Variants in PRR5L observed in about 807,000 individuals in gnomAD.
The protein encoded by PRR5L is proline rich 5 like.
In PRR5L, 21 loss-of-function variants were observed where a neutral mutation model predicts 36.4. The ratio of observed to expected loss-of-function variants is 0.58; its 90% CI spans 0.41 to 0.83. The LOEUF is 0.83. PRR5L is among the 40% of genes least tolerant of loss of function. PRR5L has a pLI of 0.00. For missense variants in PRR5L, 381 were observed against 473.3 expected (o/e 0.80, Z 1.81); for synonymous variants, 188 against 197.0 (o/e 0.95, Z 0.38).
intron 1 of PRR5L, among the ~76,000 whole-genome samples, chr11:36,389,164 A>G (rs1857515780): frequency 7.7e-6 from 1 of 130,698 alleles, no homozygotes; most frequent in South Asian, 2.5e-4. Context: ...CGTGCCTTGA[A>G]TAAAATTCTT....
chr11:36,389,912 G>A lies in PRR5L; in HGVS notation c.-125-11085G>A, dbSNP rs559770979. 9.9e-5 allele frequency among the ~76,000 whole-genome samples: 15 copies of A among 152,160 alleles called. No homozygotes were observed. The South Asian group carries it at 2.1e-3, about 21-fold the overall frequency. ...ATTTTAAATGTTGATGTTCTGAGCC[G>A]ACACCTGCTTATGGTTCCTGTCTCT... On this transcript the variant is annotated intron_variant, in intron 1 of 8. Coordinates refer to ENST00000530639, the MANE Select transcript of PRR5L (RefSeq NM_001160167.2).
intron 7 of PRR5L, among the ~76,000 whole-genome samples, chr11:36,449,420 A>G (rs1286887552): frequency 2.0e-5 from 3 of 152,224 alleles, no homozygotes; most frequent in African/African-American, 7.2e-5. Context: ...TCGCTCTTCC[A>G]CAATGTCCCT....
chr11:36,447,274 G>A (rs1564952173), intron 7 of PRR5L, among the ~76,000 whole-genome samples: 1 of 152,332 alleles, frequency 6.6e-6, no homozygotes, highest in South Asian at 2.1e-4. Flanking sequence ...TTGTGTGCTT[G>A]CCTGAGGTCC....
At chr11:36,392,835 A>G (rs1302144998) in intron 1 of PRR5L, among the ~76,000 whole-genome samples, 2 of 152,176 alleles carry the variant, frequency 1.3e-5, no homozygotes, top group Non-Finnish European at 2.9e-5. Flanking sequence ...TGCCTCCATG[A>G]TCCAATCACC....
chr11:36,390,705 T>C (rs1384292532), intron 1 of PRR5L, among the ~76,000 whole-genome samples: 8 of 152,206 alleles, frequency 5.3e-5, no homozygotes, highest in East Asian at 1.9e-4. Context: ...CCAGTAATCA[T>C]GAATAAATTT....
intron 4 of PRR5L, among the ~76,000 whole-genome samples, chr11:36,426,715 A>T (rs1590575817): frequency 6.6e-6 from 1 of 152,228 alleles, no homozygotes; most frequent in East Asian, 1.9e-4. Context: ...GCAGGAAAAG[A>T]CTGTAAGACA....
chr11:36,415,924 T>C (rs780937991), intron 3 of PRR5L, among the ~76,000 whole-genome samples: 6 of 152,258 alleles, frequency 3.9e-5, no homozygotes, highest in Non-Finnish European at 7.3e-5. Context: ...GTTAGTGTTG[T>C]GTAAACTAAA....
At chr11:36,458,953 A>G (rs1355937669) in intron 8 of PRR5L, among the ~76,000 whole-genome samples, 1 of 152,180 alleles carries the variant, frequency 6.6e-6, no homozygotes, top group Non-Finnish European at 1.5e-5. Context: ...GGCACTGTGG[A>G]AGGCAGAGAC....
At chr11:36,383,544 T>A (rs1857406271) in intron 1 of PRR5L, among the ~76,000 whole-genome samples, 1 of 152,198 alleles carries the variant, frequency 6.6e-6, no homozygotes, top group African/African-American at 2.4e-5. Context: ...TCAGCTTTTC[T>A]GTAATAAACC....
At chr11:36,326,062 A>G (rs750018029) in intron 1 of PRR5L, among the ~76,000 whole-genome samples, 14 of 152,180 alleles carry the variant, frequency 9.2e-5, no homozygotes, top group Non-Finnish European at 1.9e-4. Flanking sequence ...TACCAGCAAC[A>G]ATGTGTGCCT....
intron 5 of PRR5L, among the ~76,000 whole-genome samples, chr11:36,437,026 G>A (rs1323029293): frequency 6.6e-6 from 1 of 152,176 alleles, no homozygotes; most frequent in Non-Finnish European, 1.5e-5. Flanking sequence ...TAGATCAAAT[G>A]TAAGTAATGA....
At chr11:36,434,800 G>T (rs113019122) in intron 5 of PRR5L, among the ~76,000 whole-genome samples, 4,269 of 152,032 alleles carry the variant, frequency 0.028, 166 homozygotes, top group African/African-American at 0.093. Flanking sequence ...CCTGTTGCTG[G>T]GTCTGTGTCT....
chr11:36,427,854 C>T (rs1858413470), intron 4 of PRR5L, among the ~76,000 whole-genome samples: 1 of 152,222 alleles, frequency 6.6e-6, no homozygotes. Context: ...CTCTACTCAC[C>T]AGACTGGTGT....
intron 1 of PRR5L, among the ~76,000 whole-genome samples, chr11:36,298,046 C>T (rs1856331962): frequency 6.6e-6 from 1 of 152,182 alleles, no homozygotes; most frequent in African/African-American, 2.4e-5. Flanking sequence ...TCAGAGAGCA[C>T]CATTATTTCT....
chr11:36,436,701 T>C (rs1442858254), intron 5 of PRR5L, among the ~76,000 whole-genome samples: 1 of 152,206 alleles, frequency 6.6e-6, no homozygotes, highest in Non-Finnish European at 1.5e-5. Flanking sequence ...GTGCACATGA[T>C]CTTCCTGGAT....
At chr11:36,388,700 T>TCC (rs1857503095) in intron 1 of PRR5L, among the ~76,000 whole-genome samples, 1 of 138,266 alleles carries the variant, frequency 7.2e-6, no homozygotes, top group South Asian at 2.4e-4. Context: ...CTTTCTTTCT[T>TCC]TTTTTTTTTT....
intron 1 of PRR5L, among the ~76,000 whole-genome samples, chr11:36,375,749 C>T (rs1248291216): frequency 6.6e-6 from 1 of 152,154 alleles, no homozygotes; most frequent in Admixed American, 6.5e-5. Flanking sequence ...TAATTTTTGG[C>T]TTGTTGATTT....
intron 1 of PRR5L, among the ~76,000 whole-genome samples, chr11:36,399,364 T>A (rs537875101): frequency 6.6e-6 from 1 of 152,316 alleles, no homozygotes; most frequent in South Asian, 2.1e-4. Flanking sequence ...TACAAGTTCC[T>A]TGTTGCTATG....
chr11:36,409,598 G>GGGAAGAGCTGGGAGGGGACGGGA (rs1857983141), intron 3 of PRR5L, among the ~76,000 whole-genome samples: 1 of 152,188 alleles, frequency 6.6e-6, no homozygotes, highest in African/African-American at 2.4e-5. Flanking sequence ...CACAGTAGGG[G>GGGAAGAGCTGGGAGGGGACGGGA]GGAAGAGCTG....
Sources: allele counts gnomAD v4.1 joint callset (sites outside exome capture counted in the v4.1 genomes callset), GRCh38; gene constraint gnomAD v4.1.1; transcripts MANE v1.5; gene names NCBI Gene and HGNC (gene_info 2026-07-23, HGNC 2026-07-21).